The following FER1L6 variants were observed in gnomAD, a reference collection of about 807,000 sequenced individuals.
FER1L6 encodes fer-1-like protein 6.
A neutral mutation model predicts 219.2 loss-of-function variants in FER1L6; 177 were observed. The ratio of observed to expected loss-of-function variants is 0.81; its 90% CI spans 0.71 to 0.91. The LOEUF (loss-of-function observed/expected upper bound fraction) is 0.91, where lower values mean the gene tolerates loss of function less well. Among genes scored for constraint, FER1L6 ranks in the 40% least tolerant of loss-of-function variants. The probability of loss-of-function intolerance (pLI) is 0.00; values close to 1 mark genes in which losing one functional copy is unlikely to be tolerated. For synonymous variants in FER1L6, 768 were observed against 824.3 expected (o/e 0.93, Z 1.17); for missense variants, 2,153 against 2,259.9 (o/e 0.95, Z 0.96).
intron 39 of FER1L6, among the ~76,000 whole-genome samples, chr8:124,104,950 CA>C (rs1822705491): frequency 6.6e-6 from 1 of 152,120 alleles, no homozygotes; most frequent in Admixed American, 6.5e-5. Context: ...ATAGAGCTTA[CA>C]GTCTAAAGTC....
intron 34 of FER1L6, among the ~76,000 whole-genome samples, chr8:124,093,939 C>A (rs921510123): frequency 6.6e-6 from 1 of 151,728 alleles, no homozygotes; most frequent in African/African-American, 2.4e-5. Context: ...TTTTTAAAGA[C>A]AAGTTCAATT....
intron 1 of FER1L6, among the ~76,000 whole-genome samples, chr8:123,902,202 A>G (rs1812871468): frequency 6.6e-6 from 1 of 152,170 alleles, no homozygotes; most frequent in South Asian, 2.1e-4. Context: ...TCTTAAATTT[A>G]TTGAGGCTCA....
At chr8:123,855,515 GA>G (rs1244427691) in intron 1 of FER1L6, among the ~76,000 whole-genome samples, 2 of 151,366 alleles carry the variant, frequency 1.3e-5, no homozygotes, top group African/African-American at 2.5e-5. Flanking sequence ...TATGGAATGG[GA>G]AAAAGGGAGT....
chr8:124,081,616 AAAAAAAAAAG>A (rs1255070468), intron 32 of FER1L6, among the ~76,000 whole-genome samples: 5 of 150,328 alleles, frequency 3.3e-5, no homozygotes, highest in African/African-American at 1.2e-4. Context: ...AAAAAAAAAA[AAAAAAAAAAG>A]GGCAGGTCCC....
chr8:124,050,118 T>C (rs951122320), intron 22 of FER1L6, among the ~76,000 whole-genome samples: 7 of 152,148 alleles, frequency 4.6e-5, no homozygotes, highest in African/African-American at 1.4e-4. Flanking sequence ...GGTGTGGTGA[T>C]TGTTGTCTCG....
chr8:124,003,279 C>T lies in FER1L6; in HGVS notation c.1632C>T (p.Ala544=), dbSNP rs1182759274. The change falls in exon 13 of 41, where the codon GCC becomes GCT. Residue 544 remains alanine (A), a synonymous_variant. Coordinates refer to ENST00000522917, the MANE Select transcript of FER1L6 (RefSeq NM_001039112.2). ...TTCACGAAGGGCAAGGGGATGTGGC[C>T]CATGATGTTCCCATTCCTATGGCCT... ...PLLHEGQGDV[A]HDVPIPMAST... The T allele has an allele frequency of 6.2e-7, 1 of 1,613,834 alleles. No homozygotes were observed. The highest frequency in any genetic ancestry group is 1.3e-5 in the African/African-American group (1 of 74,832).
At chr8:123,990,573 TC>T (rs1429118729) in intron 12 of FER1L6, among the ~76,000 whole-genome samples, 2 of 152,210 alleles carry the variant, frequency 1.3e-5, no homozygotes, top group African/African-American at 4.8e-5. Context: ...TTTGATGAGA[TC>T]TGTTTTCTTG....
intron 31 of FER1L6, among the ~76,000 whole-genome samples, chr8:124,075,402 C>G (rs1485003602): frequency 6.6e-6 from 1 of 152,196 alleles, no homozygotes; most frequent in Non-Finnish European, 1.5e-5. Context: ...GTTCTACCTC[C>G]CCATCTTGTC....
At chr8:124,068,959 C>A (rs572999869) in intron 28 of FER1L6, among the ~76,000 whole-genome samples, 8 of 145,322 alleles carry the variant, frequency 5.5e-5, no homozygotes, top group African/African-American at 1.8e-4. Context: ...TTTTCCGAGA[C>A]GGAGTCTTGC....
At chr8:123,905,960 C>T (rs564587162) in intron 1 of FER1L6, among the ~76,000 whole-genome samples, 1 of 152,212 alleles carries the variant, frequency 6.6e-6, no homozygotes, top group South Asian at 2.1e-4. Context: ...CATTGAAGAA[C>T]AGGATCAGAA....
intron 39 of FER1L6, among the ~76,000 whole-genome samples, chr8:124,115,245 AATTAC>A (rs1823194465): frequency 6.6e-6 from 1 of 151,056 alleles, no homozygotes. Context: ...TCTGATTTTA[AATTAC>A]ATTTAGAGGA....
chr8:124,087,949 G>A (rs1787862104), intron 33 of FER1L6, among the ~76,000 whole-genome samples: 1 of 152,090 alleles, frequency 6.6e-6, no homozygotes, highest in African/African-American at 2.4e-5. Context: ...TTATCTTTCT[G>A]TGCTCAGCTT....
intron 1 of FER1L6, among the ~76,000 whole-genome samples, chr8:123,941,692 A>T (rs556889439): frequency 6.6e-5 from 10 of 152,268 alleles, no homozygotes; most frequent in South Asian, 6.2e-4. Context: ...AGGAGAAATA[A>T]ACTTAAATTC....
At chr8:123,906,855 C>G (rs894973069) in intron 1 of FER1L6, among the ~76,000 whole-genome samples, 12 of 151,714 alleles carry the variant, frequency 7.9e-5, no homozygotes, top group African/African-American at 2.9e-4. Context: ...ACCTTTTAAC[C>G]CCCCCTTTAA....
At chr8:123,980,867 A>G in intron 11 of FER1L6, 56 bp downstream of exon 11, 1 of 1,411,138 alleles carries the variant, frequency 7.1e-7, no homozygotes, top group Non-Finnish European at 9.7e-7. Context: ...CAGAGCAGGG[A>G]CTGCCCCTGC....
At chr8:123,873,562 C>G (rs966496166) in intron 1 of FER1L6, among the ~76,000 whole-genome samples, 3 of 152,188 alleles carry the variant, frequency 2.0e-5, no homozygotes, top group African/African-American at 7.2e-5. Flanking sequence ...CTCTCTCCTT[C>G]TAGCTCTGAA....
intron 1 of FER1L6, among the ~76,000 whole-genome samples, chr8:123,919,751 C>G (rs991734805): frequency 6.6e-6 from 1 of 152,190 alleles, no homozygotes; most frequent in Non-Finnish European, 1.5e-5. Flanking sequence ...CATGTTCTCT[C>G]TAAAGCACAG....
chr8:124,066,849 G>C (rs1820851111), intron 27 of FER1L6, among the ~76,000 whole-genome samples: 1 of 152,126 alleles, frequency 6.6e-6, no homozygotes, highest in African/African-American at 2.4e-5. Flanking sequence ...GACTCAGGGG[G>C]GTCCAGCAGG....
intron 1 of FER1L6, among the ~76,000 whole-genome samples, chr8:123,945,341 A>G (rs1266323544): frequency 6.6e-6 from 1 of 152,214 alleles, no homozygotes; most frequent in African/African-American, 2.4e-5. Context: ...TAATTTATAA[A>G]GAACCTGAGC....
Sources: gnomAD v4.1 joint callset for allele counts (sites outside exome capture counted in the v4.1 genomes callset) on GRCh38, gnomAD v4.1.1 for gene constraint, MANE v1.5 for transcripts, NCBI Gene and HGNC (gene_info 2026-07-23, HGNC 2026-07-21) for gene names.